PIK3C2G: variants seen among roughly 807,000 people sequenced by gnomAD.
The protein encoded by PIK3C2G is phosphatidylinositol 3-kinase C2 domain-containing subunit gamma.
PIK3C2G carries 168 observed loss-of-function variants against 181.1 expected under a neutral mutation model. That is an observed-to-expected ratio of 0.93 (90% CI 0.82 to 1.05). The LOEUF (loss-of-function observed/expected upper bound fraction) is 1.05, where lower values mean the gene tolerates loss of function less well. Among genes scored for constraint, PIK3C2G ranks in the 50% least tolerant of loss-of-function variants. The pLI is 0.00. For missense variants in PIK3C2G, 1,869 were observed against 1,732.8 expected (o/e 1.08, Z -1.40); for synonymous variants, 573 against 592.2 (o/e 0.97, Z 0.47).
the PIK3C2G span, among the ~76,000 whole-genome samples, chr12:18,666,321 C>T: frequency 6.6e-6 from 1 of 151,888 alleles, no homozygotes; most frequent in East Asian, 1.9e-4. Flanking sequence ...TTAAGAAGCA[C>T]GATCCAATTA....
At chr12:18,554,775 T>C (rs1455491016) in intron 26 of PIK3C2G, among the ~76,000 whole-genome samples, 1 of 152,098 alleles carries the variant, frequency 6.6e-6, no homozygotes, top group African/African-American at 2.4e-5. Context: ...AGATTACAAA[T>C]TCAATGCCGA....
intron 7 of PIK3C2G, among the ~76,000 whole-genome samples, chr12:18,324,731 T>C (rs529137646): frequency 9.2e-5 from 14 of 152,348 alleles, no homozygotes; most frequent in African/African-American, 3.4e-4. Context: ...TGAATCCCTT[T>C]GCAACTTACG....
intron 31 of PIK3C2G, among the ~76,000 whole-genome samples, chr12:18,636,887 C>T (rs963823081): frequency 2.6e-5 from 4 of 152,102 alleles, no homozygotes; most frequent in Admixed American, 6.5e-5. Flanking sequence ...CCTTTTTCAC[C>T]GTAATAGCCC....
At chr12:18,509,358 G>A (rs1265126527) in intron 24 of PIK3C2G, among the ~76,000 whole-genome samples, 1 of 152,158 alleles carries the variant, frequency 6.6e-6, no homozygotes, top group East Asian at 1.9e-4. Context: ...ACAAAATATT[G>A]TTAACATATA....
At chr12:18,694,980 A>G in the PIK3C2G span, 1 of 1,609,394 alleles carries the variant, frequency 6.2e-7, no homozygotes, top group Non-Finnish European at 8.5e-7. Context: ...ACTCTCTCTT[A>G]AGAAATGTGG....
At position 18,647,896 on chromosome 12, in the gene PIK3C2G, A is replaced by G; in HGVS notation, c.4329A>G (p.Thr1443=). The G allele has an allele frequency of 6.4e-7, 1 of 1,566,782 alleles. No individual in the cohort carries two copies. Among genetic ancestry groups the G allele is most frequent in the Non-Finnish European group, 8.7e-7 (1 of 1,154,450 alleles). The part of the protein sequence containing the change: ...YNEIVVYDEV[T]ELQGHVLMLI... ...TTTAGGTAGTATATGATGAAGTCAC[A>G]GAGCTCCAAGGACATGTCTTAATGC... The change falls in exon 33 of 33, where the codon ACA becomes ACG. Residue 1443 remains threonine, a synonymous_variant. Transcript: ENST00000538779.
the PIK3C2G span, chr12:18,723,388 G>A: frequency 6.2e-7 from 1 of 1,612,910 alleles, no homozygotes; most frequent in South Asian, 1.1e-5. Context: ...TTGTTCTTGT[G>A]TCAGAAATTG....
intron 26 of PIK3C2G, among the ~76,000 whole-genome samples, chr12:18,549,885 C>A (rs536946468): frequency 1.1e-4 from 17 of 152,008 alleles, no homozygotes; most frequent in African/African-American, 4.1e-4. Context: ...ACCTTCCTTC[C>A]TTTTCCTTTT....
At chr12:18,410,689 A>G (rs1269085000) in intron 16 of PIK3C2G, among the ~76,000 whole-genome samples, 3 of 152,086 alleles carry the variant, frequency 2.0e-5, no homozygotes, top group Admixed American at 6.6e-5. Flanking sequence ...GAATTTGCTT[A>G]GAGAGAGGGA....
At chr12:18,684,141 C>A in the PIK3C2G span, 3 of 1,611,622 alleles carry the variant, frequency 1.9e-6, no homozygotes, top group African/African-American at 1.3e-5. Context: ...TTTGTTCATG[C>A]ATAGAAGTGG....
chr12:18,427,519 A>AG (rs1945901561), intron 18 of PIK3C2G, among the ~76,000 whole-genome samples: 1 of 149,690 alleles, frequency 6.7e-6, no homozygotes, highest in Non-Finnish European at 1.5e-5. Context: ...AAAAAAAAAA[A>AG]GTTTTAAAAG....
intron 18 of PIK3C2G, among the ~76,000 whole-genome samples, chr12:18,474,994 G>C (rs2135992901): frequency 6.6e-6 from 1 of 152,140 alleles, no homozygotes; most frequent in African/African-American, 2.4e-5. Flanking sequence ...GTCTCATTAA[G>C]GCAAGGCTCT....
chr12:18,358,658 CA>C, intron 11 of PIK3C2G: 5 of 495,930 alleles, frequency 1.0e-5, no homozygotes, highest in Admixed American at 2.1e-5. Context: ...TCAGCATCAT[CA>C]AAATCATCCT....
chr12:18,650,331 C>CTATATATATATATATA (rs371220581), downstream of PIK3C2G, among the ~76,000 whole-genome samples: 1 of 91,984 alleles, frequency 1.1e-5, no homozygotes. Context: ...CTCTCTCTCT[C>CTATATATATATATATA]TATATATATA....
intron 28 of PIK3C2G, among the ~76,000 whole-genome samples, chr12:18,564,572 G>A (rs1315068464): frequency 5.9e-5 from 9 of 151,934 alleles, no homozygotes; most frequent in Admixed American, 5.9e-4. Context: ...ACTGGCATAT[G>A]TAACAGGGAT....
intron 1 of PIK3C2G, among the ~76,000 whole-genome samples, chr12:18,269,427 G>T (rs754818590): frequency 2.2e-4 from 34 of 151,940 alleles, no homozygotes; most frequent in Non-Finnish European, 3.8e-4. Flanking sequence ...CCTGCATCTG[G>T]GCAGAGGGCA....
At chr12:18,543,583 A>ATCCT (rs1346751416) in intron 25 of PIK3C2G, among the ~76,000 whole-genome samples, 5 of 151,944 alleles carry the variant, frequency 3.3e-5, no homozygotes, top group African/African-American at 1.2e-4. Flanking sequence ...GTAAGGAAGG[A>ATCCT]GTCCAGCTTC....
At chr12:18,499,719 G>A (rs1941274247) in intron 22 of PIK3C2G, among the ~76,000 whole-genome samples, 1 of 152,110 alleles carries the variant, frequency 6.6e-6, no homozygotes, top group Non-Finnish European at 1.5e-5. Flanking sequence ...ATTGCAAAAC[G>A]CTGCTCAGGT....
chr12:18,629,155 C>T (rs1311051901), intron 31 of PIK3C2G, among the ~76,000 whole-genome samples: 6 of 152,144 alleles, frequency 3.9e-5, no homozygotes, highest in Non-Finnish European at 7.3e-5. Context: ...CGATGCCTCT[C>T]CAATAAATTT....
Sources: allele counts gnomAD v4.1 joint callset (sites outside exome capture counted in the v4.1 genomes callset), GRCh38; gene constraint gnomAD v4.1.1; transcripts MANE v1.5; gene names NCBI Gene and HGNC (gene_info 2026-07-23, HGNC 2026-07-21).